ASIC2: variants seen among roughly 807,000 people sequenced by gnomAD.
The protein encoded by ASIC2 is acid-sensing ion channel 2.
In ASIC2, 25 loss-of-function variants were observed where a neutral mutation model predicts 57.3. The ratio of observed to expected loss-of-function variants is 0.44; its 90% CI spans 0.32 to 0.61. The LOEUF is 0.61. ASIC2 is among the 20% of genes least tolerant of loss of function. ASIC2 has a pLI of 0.06. For missense variants in ASIC2, 641 were observed against 738.1 expected, an observed-to-expected ratio of 0.87 and a Z score of 1.52; for synonymous variants, 319 against 307.5, an observed-to-expected ratio of 1.04 and a Z score of -0.39.
chr17:33,280,925 T>A (rs984808007), intron 1 of ASIC2, among the ~76,000 whole-genome samples: 1 of 152,318 alleles, frequency 6.6e-6, no homozygotes, highest in East Asian at 1.9e-4. Context: ...CAAGAGAAGA[T>A]TAAACCCTTC....
At chr17:33,293,884 G>T (rs189562143), upstream of ASIC2, among the ~76,000 whole-genome samples, 156 of 152,144 alleles carry the variant, frequency 1.0e-3, no homozygotes, top group African/African-American at 3.7e-3. Flanking sequence ...TGGATATCAG[G>T]GTTTCTAGAT....
At chr17:33,509,840 A>G (rs1914377103) in intron 1 of ASIC2, among the ~76,000 whole-genome samples, 1 of 152,248 alleles carries the variant, frequency 6.6e-6, no homozygotes, top group African/African-American at 2.4e-5. Flanking sequence ...ACTGGGAGCC[A>G]GGAGGCCTGG....
At chr17:33,389,014 C>T (rs1396938152) in intron 1 of ASIC2, among the ~76,000 whole-genome samples, 2 of 152,198 alleles carry the variant, frequency 1.3e-5, no homozygotes, top group Non-Finnish European at 2.9e-5. Flanking sequence ...GGCTGGAGTG[C>T]AGTGGCACAA....
intron 1 of ASIC2, among the ~76,000 whole-genome samples, chr17:34,120,739 CTTTTTTTTTTTTTTTTT>C (rs1360828300): frequency 2.9e-5 from 2 of 70,006 alleles, no homozygotes; most frequent in Non-Finnish European, 5.7e-5. Context: ...TTTTTTTTTT[CTTTTTTTTTTTTTTTTT>C]GAGACAGAGT....
chr17:34,040,140 C>CCGGGGGGGG, intron 1 of ASIC2, among the ~76,000 whole-genome samples: 1 of 86,612 alleles, frequency 1.2e-5, no homozygotes, highest in East Asian at 3.8e-4. Context: ...GCCCGGGCGG[C>CCGGGGGGGG]CACGGGACCG....
chr17:33,315,640 A>G (rs182011467), intron 1 of ASIC2, among the ~76,000 whole-genome samples: 1 of 152,326 alleles, frequency 6.6e-6, no homozygotes, highest in Non-Finnish European at 1.5e-5. Context: ...TAAGGGAGGA[A>G]ATTTTTTCTT....
chr17:33,563,451 T>C (rs1916138344), intron 1 of ASIC2, among the ~76,000 whole-genome samples: 1 of 152,186 alleles, frequency 6.6e-6, no homozygotes, highest in Non-Finnish European at 1.5e-5. Flanking sequence ...ATTTGAGGCA[T>C]CTGTAAAAAT....
intron 1 of ASIC2, among the ~76,000 whole-genome samples, chr17:33,180,922 G>A (rs1905955601): frequency 6.6e-6 from 1 of 152,190 alleles, no homozygotes; most frequent in Non-Finnish European, 1.5e-5. Flanking sequence ...CTCTGTGGCA[G>A]GCAGAAGGGC....
intron 1 of ASIC2, among the ~76,000 whole-genome samples, chr17:33,461,308 A>G (rs147461317): frequency 2.8e-3 from 426 of 152,240 alleles, no homozygotes; most frequent in Non-Finnish European, 5.2e-3. Context: ...GTCCTGGGGG[A>G]GCGCAGAGCT....
At chr17:33,514,441 A>C (rs1309855026) in intron 1 of ASIC2, among the ~76,000 whole-genome samples, 1 of 152,072 alleles carries the variant, frequency 6.6e-6, no homozygotes, top group African/African-American at 2.4e-5. Context: ...AAAATTGAGA[A>C]ATTTGGGGGG....
chr17:34,129,496 A>T (rs1445114856), intron 1 of ASIC2, among the ~76,000 whole-genome samples: 1 of 152,154 alleles, frequency 6.6e-6, no homozygotes. Context: ...CCTCTTCCAC[A>T]CTCTTAAAGG....
chr17:34,135,018 G>C (rs565851420), intron 1 of ASIC2, among the ~76,000 whole-genome samples: 1 of 152,196 alleles, frequency 6.6e-6, no homozygotes, highest in Non-Finnish European at 1.5e-5. Flanking sequence ...TAAAAGACTG[G>C]TGACTGTAGA....
intron 1 of ASIC2, among the ~76,000 whole-genome samples, chr17:33,145,354 C>T (rs1356289524): frequency 6.6e-6 from 1 of 152,220 alleles, no homozygotes; most frequent in East Asian, 1.9e-4. Flanking sequence ...CTCTGGGCTG[C>T]CATCCCTGCC....
At chr17:33,752,190 G>A (rs1910456370) in intron 1 of ASIC2, among the ~76,000 whole-genome samples, 1 of 152,004 alleles carries the variant, frequency 6.6e-6, no homozygotes, top group African/African-American at 2.4e-5. Context: ...GGCCCTCTGA[G>A]AGTCGGCCCT....
chr17:33,995,662 A>G (rs1231006872), intron 1 of ASIC2, among the ~76,000 whole-genome samples: 3 of 152,048 alleles, frequency 2.0e-5, no homozygotes, highest in Non-Finnish European at 4.4e-5. Flanking sequence ...GCGTGTATAT[A>G]TGTGTGTGTG....
intron 1 of ASIC2, among the ~76,000 whole-genome samples, chr17:33,939,049 T>C (rs1916129540): frequency 6.6e-6 from 1 of 152,244 alleles, no homozygotes; most frequent in Non-Finnish European, 1.5e-5. Flanking sequence ...GCCTAGGTCC[T>C]CCTTTGAAGG....
At chr17:33,021,483 T>C (rs1375199134) in intron 6 of ASIC2, among the ~76,000 whole-genome samples, 173 bp from the exon 7 acceptor site, 1 of 152,274 alleles carries the variant, frequency 6.6e-6, no homozygotes, top group African/African-American at 2.4e-5. Context: ...CCAAGAAGCC[T>C]GACTCCCAGC....
At chr17:34,057,819 G>C (rs1450762135) in intron 1 of ASIC2, among the ~76,000 whole-genome samples, 1 of 152,058 alleles carries the variant, frequency 6.6e-6, no homozygotes, top group Admixed American at 6.6e-5. Flanking sequence ...ACCTGTGCAG[G>C]GTACTTTGGA....
chr17:33,736,344 T>C (rs994207050), intron 1 of ASIC2, among the ~76,000 whole-genome samples: 1 of 152,074 alleles, frequency 6.6e-6, no homozygotes, highest in African/African-American at 2.4e-5. Flanking sequence ...TCCTACTCTA[T>C]GAATTTATGA....
Sources: gnomAD v4.1 joint callset for allele counts (sites outside exome capture counted in the v4.1 genomes callset) on GRCh38, gnomAD v4.1.1 for gene constraint, MANE v1.5 for transcripts, NCBI Gene and HGNC (gene_info 2026-07-23, HGNC 2026-07-21) for gene names.